The following EYS variants were observed in gnomAD, a reference collection of about 807,000 sequenced individuals.
The protein encoded by EYS is protein eyes shut homolog.
A neutral mutation model predicts 282.1 loss-of-function variants in EYS; 250 were observed. The observed-to-expected ratio is 0.89, with a 90% CI of 0.80 to 0.98. The LOEUF (loss-of-function observed/expected upper bound fraction) is 0.98, where lower values mean the gene tolerates loss of function less well. EYS is among the 50% of genes least tolerant of loss of function. The probability of loss-of-function intolerance (pLI) is 0.00; values close to 1 mark genes in which losing one functional copy is unlikely to be tolerated. For synonymous variants in EYS, 1,355 were observed against 1,282.9 expected (o/e 1.06, Z -1.20); for missense variants, 4,016 against 3,709.0 (o/e 1.08, Z -2.15).
intron 31 of EYS, among the ~76,000 whole-genome samples, chr6:64,148,473 A>AAG (rs1774594371): frequency 1.3e-5 from 2 of 152,152 alleles, no homozygotes; most frequent in African/African-American, 4.8e-5. Context: ...TCCCTGATCC[A>AAG]GCAGCCCAGT....
chr6:65,240,705 T>A (rs887204071), intron 12 of EYS, among the ~76,000 whole-genome samples: 1 of 152,294 alleles, frequency 6.6e-6, no homozygotes, highest in Non-Finnish European at 1.5e-5. Context: ...CTAGGTTGAT[T>A]CTATGTATTT....
At chr6:64,729,658 G>C (rs1771888583) in intron 22 of EYS, among the ~76,000 whole-genome samples, 1 of 152,070 alleles carries the variant, frequency 6.6e-6, no homozygotes, top group Admixed American at 6.5e-5. Context: ...TAAGTAGTTT[G>C]GTATAAAAGT....
Position 65,466,647 on chromosome 6 carries a change from A to T in EYS, c.862+23947T>A, listed in dbSNP as rs528969308. Among the ~76,000 whole-genome samples, 3 of 152,216 alleles carry T rather than the reference A, an allele frequency of 2.0e-5. No homozygotes were observed. In the South Asian group the frequency reaches 6.2e-4, roughly 32 times the overall value. Reference sequence around the variant, plus strand: ...AATTGGAAAGATTTGGGGGTTGATCAAGGAAAACAGATGTGATGAAAAAAG... The same window carrying T: ...AATTGGAAAGATTTGGGGGTTGATCTAGGAAAACAGATGTGATGAAAAAAG... On this transcript the variant is annotated intron_variant, in intron 5 of 42. Transcript: ENST00000503581.
chr6:65,402,684 G>C, intron 6 of EYS, 79 bp from the exon 7 acceptor site: 1 of 929,894 alleles, frequency 1.1e-6, no homozygotes, highest in South Asian at 1.6e-5. Flanking sequence ...ACCTGGAGAA[G>C]GGTTAAAATT....
At chr6:65,229,909 C>T (rs1272114380) in intron 12 of EYS, among the ~76,000 whole-genome samples, 1 of 151,848 alleles carries the variant, frequency 6.6e-6, no homozygotes, top group South Asian at 2.1e-4. Flanking sequence ...GAATAAAGTG[C>T]ACATGGGTCT....
chr6:65,297,814 C>A (rs1486517118), intron 11 of EYS, among the ~76,000 whole-genome samples: 1 of 151,890 alleles, frequency 6.6e-6, no homozygotes, highest in East Asian at 1.9e-4. Flanking sequence ...GAAAAAAAAA[C>A]CTAGGTAAAT....
At chr6:65,249,342 C>T (rs932941619) in intron 12 of EYS, among the ~76,000 whole-genome samples, 4 of 151,690 alleles carry the variant, frequency 2.6e-5, no homozygotes, top group African/African-American at 7.3e-5. Flanking sequence ...TGTATAAAGC[C>T]GTGAAAATAA....
intron 30 of EYS, among the ~76,000 whole-genome samples, chr6:64,290,033 T>C (rs1348647881): frequency 5.3e-5 from 8 of 152,034 alleles, no homozygotes; most frequent in Admixed American, 5.2e-4. Flanking sequence ...CAGTGTCTGT[T>C]GTATAGCTGA....
At chr6:64,226,017 C>T (rs1766243633) in intron 31 of EYS, among the ~76,000 whole-genome samples, 1 of 152,116 alleles carries the variant, frequency 6.6e-6, no homozygotes, top group Admixed American at 6.6e-5. Context: ...AAAAGGCAAA[C>T]ACCTGTTTCT....
intron 31 of EYS, among the ~76,000 whole-genome samples, chr6:64,093,157 C>A (rs927423491): frequency 2.0e-5 from 3 of 151,900 alleles, no homozygotes; most frequent in Non-Finnish European, 2.9e-5. Context: ...GTTACTGTAG[C>A]CTTGTAGGAT....
chr6:64,542,232 A>G (rs1026926912), intron 26 of EYS, among the ~76,000 whole-genome samples: 3 of 152,122 alleles, frequency 2.0e-5, no homozygotes, highest in African/African-American at 4.8e-5. Flanking sequence ...TTTATATTAT[A>G]TTAATATTGC....
At chr6:64,433,226 C>T (rs931763536) in intron 28 of EYS, among the ~76,000 whole-genome samples, 2 of 151,880 alleles carry the variant, frequency 1.3e-5, no homozygotes, top group Admixed American at 6.6e-5. Context: ...GACCTTTCTC[C>T]TATATTCATA....
At chr6:65,421,051 G>C (rs984245435) in intron 5 of EYS, among the ~76,000 whole-genome samples, 4 of 151,758 alleles carry the variant, frequency 2.6e-5, no homozygotes, top group African/African-American at 9.7e-5. Context: ...ATGAGCATTG[G>C]CTTCAACTAA....
chr6:64,910,041 C>T (rs920747513), intron 16 of EYS, among the ~76,000 whole-genome samples: 4 of 152,082 alleles, frequency 2.6e-5, no homozygotes, highest in East Asian at 1.9e-4. Context: ...GAAATACATA[C>T]GCTGAATCCT....
chr6:64,397,031 G>A (rs974573036), intron 28 of EYS, among the ~76,000 whole-genome samples: 5 of 151,782 alleles, frequency 3.3e-5, no homozygotes, highest in African/African-American at 9.7e-5. Flanking sequence ...TAATGCTAAC[G>A]CCTTATAATT....
At chr6:65,648,400 T>G (rs1826151) in intron 1 of EYS, among the ~76,000 whole-genome samples, 60,256 of 151,052 alleles carry the variant, frequency 0.4, 14,513 homozygotes, top group East Asian at 0.53. Context: ...ATAATGGTAT[T>G]TGCAGCAACC....
intron 13 of EYS, among the ~76,000 whole-genome samples, chr6:65,047,991 C>G (rs1057201212): frequency 6.6e-6 from 1 of 151,824 alleles, no homozygotes; most frequent in Non-Finnish European, 1.5e-5. Context: ...CTGTCTCTTC[C>G]TTTCCTCTTA....
chr6:63,951,113 T>A (rs1198705955), intron 35 of EYS, among the ~76,000 whole-genome samples: 3 of 152,068 alleles, frequency 2.0e-5, no homozygotes, highest in Non-Finnish European at 4.4e-5. Context: ...CTCTCTTTTG[T>A]CTGAGCTTGC....
intron 22 of EYS, among the ~76,000 whole-genome samples, chr6:64,646,918 A>G (rs1346167020): frequency 6.6e-6 from 1 of 152,146 alleles, no homozygotes; most frequent in African/African-American, 2.4e-5. Context: ...CCTAGTTTAT[A>G]CTTCTTTGTG....
Sources: allele counts gnomAD v4.1 joint callset (sites outside exome capture counted in the v4.1 genomes callset), GRCh38; gene constraint gnomAD v4.1.1; transcripts MANE v1.5; gene names NCBI Gene and HGNC (gene_info 2026-07-23, HGNC 2026-07-21).